The following INVS variants were observed in gnomAD, a reference collection of about 807,000 sequenced individuals.
The protein encoded by INVS is inversion of embryo turning homolog.
In INVS, 86 loss-of-function variants were observed where a neutral mutation model predicts 108.8. The ratio of observed to expected loss-of-function variants is 0.79; its 90% CI spans 0.66 to 0.95. INVS has a LOEUF of 0.95. INVS is among the 40% of genes least tolerant of loss of function. The pLI is 0.00. For synonymous variants in INVS, 455 were observed against 473.5 expected, an observed-to-expected ratio of 0.96 and a Z score of 0.51; for missense variants, 1,169 against 1,297.4, an observed-to-expected ratio of 0.90 and a Z score of 1.52.
chr9:100,217,616 A>G (rs1203413459), intron 3 of INVS, among the ~76,000 whole-genome samples: 1 of 152,206 alleles, frequency 6.6e-6, no homozygotes, highest in Non-Finnish European at 1.5e-5. Context: ...GAAGAGTGCT[A>G]GATTTTGGGA....
intron 2 of INVS, among the ~76,000 whole-genome samples, chr9:100,112,582 G>A (rs1335020863): frequency 2.0e-5 from 3 of 151,508 alleles, no homozygotes; most frequent in African/African-American, 4.9e-5. Flanking sequence ...GGGTGTTCAA[G>A]CTTTTGGCTT....
intron 3 of INVS, among the ~76,000 whole-genome samples, chr9:100,172,255 CCT>C (rs1457476297): frequency 1.3e-5 from 2 of 152,200 alleles, no homozygotes; most frequent in South Asian, 2.1e-4. Flanking sequence ...CAAATTTACC[CCT>C]GTTATTCTAT....
At chr9:100,146,648 A>G (rs1052553050) in intron 3 of INVS, among the ~76,000 whole-genome samples, 1 of 152,204 alleles carries the variant, frequency 6.6e-6, no homozygotes, top group Non-Finnish European at 1.5e-5. Context: ...CAGTGACACT[A>G]TATTTAATTA....
intron 3 of INVS, among the ~76,000 whole-genome samples, chr9:100,137,380 G>T (rs1039119097): frequency 6.6e-6 from 1 of 152,114 alleles, no homozygotes; most frequent in Non-Finnish European, 1.5e-5. Context: ...TGGGCTTCAG[G>T]AACAGAGGAA....
intron 3 of INVS, among the ~76,000 whole-genome samples, chr9:100,177,764 G>A (rs572460780): frequency 1.6e-4 from 25 of 152,332 alleles, no homozygotes; most frequent in Non-Finnish European, 2.9e-4. Context: ...CCAACACAGC[G>A]CTCGAGCTCT....
intron 10 of INVS, among the ~76,000 whole-genome samples, chr9:100,264,449 C>T (rs1423416984): frequency 6.6e-6 from 1 of 151,984 alleles, no homozygotes; most frequent in Non-Finnish European, 1.5e-5. Flanking sequence ...AAAACCCTGT[C>T]TCTACTAAAA....
chr9:100,142,758 T>C (rs1225353370), intron 3 of INVS, among the ~76,000 whole-genome samples: 2 of 152,182 alleles, frequency 1.3e-5, no homozygotes, highest in Non-Finnish European at 2.9e-5. Flanking sequence ...TTTAAAAGTA[T>C]TAAGGCAGCG....
intron 3 of INVS, among the ~76,000 whole-genome samples, chr9:100,131,487 C>G (rs1828054564): frequency 1.3e-5 from 2 of 152,152 alleles, no homozygotes; most frequent in South Asian, 2.1e-4. Context: ...ACATCTGCAC[C>G]TAATTTGTTT....
chr9:100,129,244 G>A (rs1300100663), intron 3 of INVS, among the ~76,000 whole-genome samples: 1 of 149,976 alleles, frequency 6.7e-6, no homozygotes, highest in Non-Finnish European at 1.5e-5. Context: ...GACTTTGGGA[G>A]GCCAAGGTGG....
Position 100,246,625 on chromosome 9 carries a change from A to G in INVS, c.916A>G (p.Lys306Glu), listed in dbSNP as rs878854981. 4.3e-6 allele frequency: 7 copies of G among 1,613,226 alleles called. No homozygotes were observed. The highest frequency in any genetic ancestry group is 1.7e-4 in the Middle Eastern group (1 of 6,060). Residue 306 changes from lysine (K) to glutamate (E), a missense_variant, in exon 8 of 17, where the codon AAA (lysine) becomes GAA (glutamate). Lys to Glu is a moderately conservative substitution (Grantham distance 56). Transcript: ENST00000262457. ...TCAAGTTTTCTTACAGGAAACGGTTAAAGTGTTTTTAAAACATCCTTCAGT... is the reference window on the plus strand; with the variant it reads ...TCAAGTTTTCTTACAGGAAACGGTTGAAGTGTTTTTAAAACATCCTTCAGT... ...AAQSNFAETVKVFLKHPSVKD... is the reference protein window; with the variant it reads ...AAQSNFAETVEVFLKHPSVKD...
chr9:100,289,805 G>A (rs1487793857), intron 13 of INVS, among the ~76,000 whole-genome samples: 7 of 152,180 alleles, frequency 4.6e-5, no homozygotes, highest in African/African-American at 9.7e-5. Flanking sequence ...TGTTTTGGCC[G>A]TTATGAATAA....
intron 2 of INVS, among the ~76,000 whole-genome samples, chr9:100,124,162 TTTTA>T (rs1004480300): frequency 1.0e-4 from 14 of 140,004 alleles, no homozygotes; most frequent in African/African-American, 3.2e-4. Flanking sequence ...ATTGGAGGTT[TTTTA>T]TTTGTTTCTG....
chr9:100,292,471 G>GA lies in INVS; in HGVS notation c.2217dup (p.Gly740ArgfsTer15), dbSNP rs1833649736. 1 of 1,614,188 alleles carries GA rather than the reference G, an allele frequency of 6.2e-7. No homozygotes were observed. The highest frequency in any genetic ancestry group is 2.2e-5 in the East Asian group (1 of 44,874). The stretch of plus-strand genomic sequence containing the variant: ...CTGGCGATGAGCGGTGTGCAAAGGG[G>GA]AAAGGCTTCGTGAAGCAGCCCTCCT... On this transcript the variant is annotated frameshift_variant, in exon 14 of 17. Coordinates refer to ENST00000262457, the MANE Select transcript of INVS (RefSeq NM_014425.5). LOFTEE classifies it high-confidence loss of function.
intron 3 of INVS, among the ~76,000 whole-genome samples, chr9:100,181,965 A>G (rs908436079): frequency 6.6e-6 from 1 of 152,152 alleles, no homozygotes; most frequent in African/African-American, 2.4e-5. Flanking sequence ...AACCCAACAC[A>G]TCTACAACCA....
intron 2 of INVS, among the ~76,000 whole-genome samples, chr9:100,122,322 G>A (rs1208283266): frequency 1.3e-5 from 2 of 151,976 alleles, no homozygotes; most frequent in African/African-American, 4.8e-5. Flanking sequence ...TATTCTATCA[G>A]TTTTTGCTGC....
chr9:100,173,547 G>A (rs1442739460), intron 3 of INVS, among the ~76,000 whole-genome samples: 1 of 152,052 alleles, frequency 6.6e-6, no homozygotes, highest in Non-Finnish European at 1.5e-5. Flanking sequence ...GGCCAACATG[G>A]TGAAACCCCG....
At chr9:100,296,799 G>C (rs1833803914) in intron 14 of INVS, 118 bp from the exon 15 acceptor site, 1 of 813,784 alleles carries the variant, frequency 1.2e-6, no homozygotes, top group Admixed American at 2.2e-5. Context: ...ATGGGAGCTT[G>C]AATGAACCTA....
chr9:100,175,738 C>A (rs948442983), intron 3 of INVS: 15 of 628,950 alleles, frequency 2.4e-5, no homozygotes, highest in African/African-American at 2.2e-4. Context: ...AGCAACCAGA[C>A]CTGTAGCAGT....
chr9:100,184,341 G>C (rs1167350420), intron 3 of INVS, among the ~76,000 whole-genome samples: 2 of 152,142 alleles, frequency 1.3e-5, no homozygotes, highest in Admixed American at 1.3e-4. Flanking sequence ...TTGTATAAGA[G>C]AGAAGTATAT....
Sources: allele counts gnomAD v4.1 joint callset (sites outside exome capture counted in the v4.1 genomes callset), GRCh38; gene constraint gnomAD v4.1.1; transcripts MANE v1.5; gene names NCBI Gene and HGNC (gene_info 2026-07-23, HGNC 2026-07-21).